Variants in BRAF observed in about 807,000 individuals in gnomAD.
The protein encoded by BRAF is B-Raf proto-oncogene, serine/threonine kinase, also known as serine/threonine-protein kinase B-raf.
In BRAF, 16 loss-of-function variants were observed where a neutral mutation model predicts 104.6. The observed-to-expected ratio is 0.15, with a 90% CI of 0.10 to 0.23. The LOEUF (loss-of-function observed/expected upper bound fraction) is 0.23. Ranked by LOEUF, BRAF falls within the 10% of genes least tolerant of loss-of-function variation. BRAF has a pLI of 1.00. For missense variants in BRAF, 541 were observed against 937.3 expected, an observed-to-expected ratio of 0.58 and a Z score of 5.52; for synonymous variants, 310 against 341.6, an observed-to-expected ratio of 0.91 and a Z score of 1.02.
rs570809940 is a variant in BRAF at position 140,731,636 on chromosome 7, G to A, written c.2401+2981C>T. 16 of 152,262 alleles carry A rather than the reference G, an allele frequency of 1.1e-4. No individual in the cohort carries two copies. In the South Asian group the frequency reaches 1.5e-3, roughly 14 times the overall value. The allele number at this position is 152,262 out of a possible 1,614,324, so 9.4% of individuals were successfully genotyped here. ...ATTTTAACTATTGGTTTAACTATTA[G>A]AGTTTAGTATCTAAATGGCTGGTAT... is the stretch of plus-strand genomic sequence containing the variant. On this transcript the variant is annotated intron_variant, in intron 19 of 19. Transcript: ENST00000644969.
Position 140,795,278 on chromosome 7 carries a change from G to A in BRAF, c.981-811C>T, listed in dbSNP as rs185818169. Reference sequence around the variant, plus strand: ...CACTCACAGAGAACACTAAAGTTTTGAGACTAGATTGTAAACACTTGGAAG... The same window carrying A: ...CACTCACAGAGAACACTAAAGTTTTAAGACTAGATTGTAAACACTTGGAAG... On this transcript the variant is annotated intron_variant, in intron 7 of 19. Coordinates refer to ENST00000644969, the MANE Select transcript of BRAF (RefSeq NM_001374258.1). Among the ~76,000 whole-genome samples, 227 of 152,230 alleles carry A rather than the reference G, an allele frequency of 1.5e-3. 2 individuals are homozygous for A. The highest frequency in any genetic ancestry group is 5.0e-3 in the African/African-American group (207 of 41,534).
chr7:140,777,944 TA>T (rs2129019378), intron 13 of BRAF, 46 bp downstream of exon 12: 1 of 1,575,806 alleles, frequency 6.3e-7, no homozygotes, highest in Non-Finnish European at 8.7e-7. Context: ...CAGGAGCTAA[TA>T]AAAATAACTT....
intron 18 of BRAF, 27 bp from the exon 18 acceptor site, chr7:140,734,797 GAAA>G (rs60814637): frequency 0.055 from 60,487 of 1,106,514 alleles, 4,503 homozygotes; most frequent in African/African-American, 0.28. Flanking sequence ...AAAAAAAAAA[GAAA>G]AAAAAAGAAA....
At position 140,720,537 on chromosome 7, in the gene BRAF, T is replaced by G; in HGVS notation, c.*5957A>C. 9.4e-7 allele frequency: 1 copy of G among 1,065,268 alleles called. No individual in the cohort carries two copies. The allele number at this position is 1,065,268 out of a possible 1,614,324, so 66.0% of individuals were successfully genotyped here. A position where few individuals can be genotyped will look rare whatever the true frequency, so the allele number is the denominator to read the frequency against. On this transcript the variant is annotated 3_prime_UTR_variant, in exon 20 of 20. Transcript: ENST00000644969. ...ACACAAATGTATTAGGAAGGAATGA[T>G]TCTTAAAAAAACCGTTCACAGCTTA...
chr7:140,853,304 G>C (rs1809399089), intron 1 of BRAF, among the ~76,000 whole-genome samples: 1 of 152,020 alleles, frequency 6.6e-6, no homozygotes, highest in Non-Finnish European at 1.5e-5. Flanking sequence ...TTGAGCCTGG[G>C]AAGTTGAGGC....
chr7:140,839,508 T>C (rs752197482), intron 2 of BRAF, among the ~76,000 whole-genome samples: 4 of 152,082 alleles, frequency 2.6e-5, no homozygotes, highest in Non-Finnish European at 4.4e-5. Flanking sequence ...GGCAGGCAGA[T>C]CACTTGAGCC....
At chr7:140,888,447 T>C (rs1813817749) in intron 1 of BRAF, among the ~76,000 whole-genome samples, 1 of 152,184 alleles carries the variant, frequency 6.6e-6, no homozygotes, top group Admixed American at 6.5e-5. Context: ...AACTTCATAC[T>C]GAAGAAAACA....
At chr7:140,806,646 CTA>C (rs1803686551) in intron 5 of BRAF, among the ~76,000 whole-genome samples, 1 of 152,146 alleles carries the variant, frequency 6.6e-6, no homozygotes, top group African/African-American at 2.4e-5. Flanking sequence ...GTAGTAATCA[CTA>C]TGAAATGTAT....
intron 1 of BRAF, among the ~76,000 whole-genome samples, chr7:140,879,401 C>T (rs1250162700): frequency 2.0e-5 from 3 of 151,268 alleles, no homozygotes. Context: ...AGGATGGTTT[C>T]GATCTCTTGA....
rs115605752 is a variant in BRAF, at chr7:140,864,577, C to T, written c.139-14365G>A. ...AAGGCTCAGCCCTGGGGATCATAAA[C>T]ATTTACAAGAGAAACCAAAAATGGC... On this transcript the variant is annotated intron_variant, in intron 1 of 19. Transcript: ENST00000644969. 7.7e-3 allele frequency among the ~76,000 whole-genome samples: 1,173 copies of T among 152,148 alleles called. 18 individuals are homozygous for T. The highest frequency in any genetic ancestry group is 0.027 in the African/African-American group (1,105 of 41,510).
At chr7:140,839,586 T>G (rs1442306944) in intron 2 of BRAF, among the ~76,000 whole-genome samples, 1 of 151,950 alleles carries the variant, frequency 6.6e-6, no homozygotes, top group Non-Finnish European at 1.5e-5. Context: ...GAAACTTGGC[T>G]GGGCATGGTG....
intron 14 of BRAF, among the ~76,000 whole-genome samples, chr7:140,767,402 A>G (rs1032226248): frequency 1.3e-5 from 2 of 152,312 alleles, no homozygotes; most frequent in Admixed American, 6.5e-5. Context: ...GGGTAGGGGT[A>G]AGGGGATGGA....
rs1421124767 is a variant in BRAF at position 140,726,448 on chromosome 7, G to A, written c.*46C>T. ...GTGTTTTGATGTTAACAAATTGTAC[G>A]AACACAAGACTTAAGAAATAAGAGC... On this transcript the variant is annotated 3_prime_UTR_variant, in exon 20 of 20. Coordinates refer to ENST00000644969, the MANE Select transcript of BRAF (RefSeq NM_001374258.1). The A allele has an allele frequency of 5.2e-6, 8 of 1,532,924 alleles. No homozygotes were observed. The highest frequency in any genetic ancestry group is 2.0e-5 in the Admixed American group (1 of 50,214). The allele number at this position is 1,532,924 out of a possible 1,614,324, so 95.0% of individuals were successfully genotyped here.
Position 140,916,517 on chromosome 7 carries a change from G to A in BRAF, c.138+8049C>T, listed in dbSNP as rs187008617. 8.5e-5 allele frequency among the ~76,000 whole-genome samples: 13 copies of A among 152,162 alleles called. No homozygotes were observed. In the East Asian group the frequency reaches 1.3e-3, roughly 16 times the overall value. ...CTTTCACAACCTAATTGACACTTTC[G>A]GTGACTTTTTTTGGTGAATAAACAT... On this transcript the variant is annotated intron_variant, in intron 1 of 19. Coordinates refer to ENST00000644969, the MANE Select transcript of BRAF (RefSeq NM_001374258.1).
intron 1 of BRAF, among the ~76,000 whole-genome samples, chr7:140,894,621 A>C (rs1299028178): frequency 6.6e-6 from 1 of 152,144 alleles, no homozygotes; most frequent in African/African-American, 2.4e-5. Context: ...TAAATCTATG[A>C]AGGTAGTAAG....
intron 2 of BRAF, among the ~76,000 whole-genome samples, chr7:140,842,764 T>G (rs1808104303): frequency 6.6e-6 from 1 of 152,190 alleles, no homozygotes; most frequent in South Asian, 2.1e-4. Flanking sequence ...TTTGAAATTC[T>G]TTAGAGTACT....
In BRAF at chr7:140,870,459, A is replaced by C. The variant is rs1433536656; in HGVS notation, c.139-20247T>G. ...AATTCCATACTTACTCGTTATTATT[A>C]GTTTAGACTATTTACAATAGATCTT... On this transcript the variant is annotated intron_variant, in intron 1 of 19. Coordinates refer to ENST00000644969, the MANE Select transcript of BRAF (RefSeq NM_001374258.1). 4.6e-5 allele frequency among the ~76,000 whole-genome samples: 7 copies of C among 152,302 alleles called. No individual in the cohort carries two copies. The East Asian group carries it at 1.3e-3, about 29-fold the overall frequency.
At chr7:140,872,895 A>G (rs1037885869) in intron 1 of BRAF, among the ~76,000 whole-genome samples, 2 of 152,118 alleles carry the variant, frequency 1.3e-5, no homozygotes, top group African/African-American at 4.8e-5. Flanking sequence ...TCAAAAGGAA[A>G]TAAGAAAGTA....
chr7:140,727,566 T>C (rs1795676230), intron 19 of BRAF, among the ~76,000 whole-genome samples: 1 of 152,188 alleles, frequency 6.6e-6, no homozygotes. Flanking sequence ...CCATAGTTAA[T>C]TTCTGGGGAT....
Sources: gnomAD v4.1 joint callset for allele counts (sites outside exome capture counted in the v4.1 genomes callset) on GRCh38, gnomAD v4.1.1 for gene constraint, MANE v1.5 for transcripts, NCBI Gene and HGNC (gene_info 2026-07-23, HGNC 2026-07-21) for gene names.